CDCP1: variants seen among roughly 807,000 people sequenced by gnomAD.
The protein encoded by CDCP1 is CUB domain-containing protein 1.
Under a neutral mutation model 60.2 loss-of-function variants are expected in CDCP1, and 29 were observed. That is an observed-to-expected ratio of 0.48 (90% CI 0.36 to 0.66). The LOEUF is 0.66. Ranked by LOEUF, CDCP1 falls within the 30% of genes least tolerant of loss-of-function variation. The pLI, the probability that CDCP1 is intolerant of heterozygous loss-of-function variation, is 0.00. For synonymous variants in CDCP1, 387 were observed against 431.1 expected, an observed-to-expected ratio of 0.90 and a Z score of 1.27; for missense variants, 876 against 1,074.3, an observed-to-expected ratio of 0.82 and a Z score of 2.58.
chr3:45,092,933 T>A (rs1698321313), intron 6 of CDCP1, among the ~76,000 whole-genome samples: 1 of 152,198 alleles, frequency 6.6e-6, no homozygotes, highest in Non-Finnish European at 1.5e-5. Flanking sequence ...GATTTTTATG[T>A]CACTACCTTA....
rs576785838 is a variant in CDCP1 at position 45,131,888 on chromosome 3, C to T, written c.83-13267G>A. Among the ~76,000 whole-genome samples, 5 of 152,270 alleles carry T rather than the reference C, an allele frequency of 3.3e-5. No individual in the cohort carries two copies. In the East Asian group the frequency reaches 7.7e-4, roughly 23 times the overall value. On this transcript the variant is annotated intron_variant, in intron 1 of 8. Coordinates refer to ENST00000296129, the MANE Select transcript of CDCP1 (RefSeq NM_022842.5). ...ACGCACTGAATAAGGGACACTGCTGCGGGCAGGCCTGTGAGAAATGTTCTG... is the reference window on the plus strand; with the variant it reads ...ACGCACTGAATAAGGGACACTGCTGTGGGCAGGCCTGTGAGAAATGTTCTG...
chr3:45,090,317 C>T (rs868505365), intron 7 of CDCP1, among the ~76,000 whole-genome samples: 28 of 152,218 alleles, frequency 1.8e-4, no homozygotes, highest in African/African-American at 6.8e-4. Context: ...CCTGCCCTGC[C>T]ACACCTGCAT....
chr3:45,103,040 C>T (rs1014148182), intron 4 of CDCP1, among the ~76,000 whole-genome samples: 2 of 151,748 alleles, frequency 1.3e-5, no homozygotes, highest in African/African-American at 2.4e-5. Context: ...TGAGTCTGTA[C>T]AATTTTGTTA....
At chr3:45,108,313 C>G (rs1698606643) in intron 4 of CDCP1, among the ~76,000 whole-genome samples, 2 of 152,108 alleles carry the variant, frequency 1.3e-5, no homozygotes, top group Admixed American at 6.5e-5. Flanking sequence ...TTTCTGCCGC[C>G]AAGTCCACTC....
At chr3:45,141,839 CT>C (rs34668535) in intron 1 of CDCP1, among the ~76,000 whole-genome samples, 20,257 of 148,586 alleles carry the variant, frequency 0.14, 1,463 homozygotes, top group African/African-American at 0.16. Context: ...ATAAACTTTT[CT>C]TTTTTTTTTG....
intron 1 of CDCP1, among the ~76,000 whole-genome samples, chr3:45,125,277 G>A (rs894451396): frequency 2.0e-5 from 3 of 152,184 alleles, no homozygotes; most frequent in African/African-American, 7.2e-5. Flanking sequence ...GTGGGAAAGG[G>A]CTTGGTTGTT....
Position 45,108,773 on chromosome 3 carries a change from ATG to A in CDCP1, c.1024+1698_1024+1699del, listed in dbSNP as rs1275114330. On this transcript the variant is annotated intron_variant, in intron 4 of 8. Transcript: ENST00000296129. ...TATATGCATGTATATATATATATGCATGTATACATATATATGCATGTATATAT... is the reference window on the plus strand; with the variant it reads ...TATATGCATGTATATATATATATGCATATACATATATATGCATGTATATAT... Among the ~76,000 whole-genome samples the A allele has an allele frequency of 1.6e-4, 12 of 73,018 alleles. 1 individual carries two copies. The highest frequency in any genetic ancestry group is 1.3e-3 in the South Asian group (2 of 1,544). 47.9% of individuals were successfully genotyped at this position (73,018 alleles called of 152,430 possible).
chr3:45,120,006 G>T (rs1311085211), intron 1 of CDCP1, among the ~76,000 whole-genome samples: 2 of 152,206 alleles, frequency 1.3e-5, no homozygotes, highest in Non-Finnish European at 2.9e-5. Context: ...CTGCTGCATG[G>T]GTCAGTAGTT....
chr3:45,146,352 A>G lies in CDCP1; in HGVS notation c.-65T>C, dbSNP rs1434443612. The G allele has an allele frequency of 1.4e-6, 2 of 1,413,130 alleles. No individual in the cohort carries two copies. The highest frequency in any genetic ancestry group is 3.0e-5 in the East Asian group (1 of 33,642). 87.5% of individuals were successfully genotyped at this position (1,413,130 alleles called of 1,614,324 possible). ...TGGGGAGCGGCGGCCCCAGGCGCCCAAGCCCGGCGCAGCTGCGCTCCGCCC... is the reference window on the plus strand; with the variant it reads ...TGGGGAGCGGCGGCCCCAGGCGCCCGAGCCCGGCGCAGCTGCGCTCCGCCC... On this transcript the variant is annotated 5_prime_UTR_variant, in exon 1 of 9. Transcript: ENST00000296129.
chr3:45,112,289 C>T lies in CDCP1; in HGVS notation c.449G>A (p.Gly150Asp), dbSNP rs200013148. 14 of 1,614,226 alleles carry T rather than the reference C, an allele frequency of 8.7e-6. No homozygotes were observed. In the Admixed American group the frequency reaches 2.2e-4, roughly 25 times the overall value. The change falls in exon 3 of 9, where the codon GGT becomes GAT. Residue 150 changes from glycine to aspartate, a missense_variant. Gly to Asp is a moderately conservative substitution (Grantham distance 94, BLOSUM62 -1). Transcript: ENST00000296129. ...QFSIPRLRQI[G>D]PGESCPDGVT... is the part of the protein sequence containing the mutation. ...TCCGTCTGGGCAGCTCTCACCCGGA[C>T]CGATCTGCCTCAGGCGAGGGATGGA...
At chr3:45,138,871 G>A (rs1444857262) in intron 1 of CDCP1, among the ~76,000 whole-genome samples, 2 of 152,054 alleles carry the variant, frequency 1.3e-5, no homozygotes, top group Non-Finnish European at 2.9e-5. Context: ...AGAAAGAAAA[G>A]AAAAAGAAAG....
chr3:45,124,461 C>G (rs927566194), intron 1 of CDCP1, among the ~76,000 whole-genome samples: 7 of 152,072 alleles, frequency 4.6e-5, no homozygotes, highest in Non-Finnish European at 7.4e-5. Flanking sequence ...AGCCTAGGCA[C>G]CAGGAGATAC....
chr3:45,140,524 C>T (rs1459119637), intron 1 of CDCP1, among the ~76,000 whole-genome samples: 1 of 152,186 alleles, frequency 6.6e-6, no homozygotes, highest in Admixed American at 6.5e-5. Context: ...CCTTGCAGTC[C>T]TATGACCGAG....
chr3:45,118,377 A>G, intron 2 of CDCP1, 35 bp downstream of exon 2: 2 of 1,486,498 alleles, frequency 1.3e-6, no homozygotes, highest in South Asian at 2.3e-5. Context: ...GACATTTAAA[A>G]GACATTGTCA....
At chr3:45,095,589 C>T (rs1234919228) in intron 4 of CDCP1, 21 bp from the exon 5 acceptor site, 10 of 1,609,512 alleles carry the variant, frequency 6.2e-6, no homozygotes, top group Non-Finnish European at 8.5e-6. Context: ...AAACAGAAAA[C>T]AGGCATGAAG....
chr3:45,110,316 CT>C, intron 4 of CDCP1, 156 bp downstream of exon 4: 1 of 1,444,982 alleles, frequency 6.9e-7, no homozygotes, highest in Non-Finnish European at 9.1e-7. Context: ...GTCTAACTGC[CT>C]AGCAACCCAC....
chr3:45,138,570 C>A (rs987818240), intron 1 of CDCP1, among the ~76,000 whole-genome samples: 1 of 152,212 alleles, frequency 6.6e-6, no homozygotes. Context: ...TGGCTGGTTG[C>A]GGTGGCTCAT....
Position 45,137,019 on chromosome 3 carries a change from T to C in CDCP1, c.82+9187A>G, listed in dbSNP as rs372705182. On this transcript the variant is annotated intron_variant, in intron 1 of 8. Coordinates refer to ENST00000296129, the MANE Select transcript of CDCP1 (RefSeq NM_022842.5). ...TATGTACATTATATCTCAGTAGAGC[T>C]GAAAAATATTTTTACATTTAGATAA... Among the ~76,000 whole-genome samples the C allele has an allele frequency of 5.3e-5, 8 of 152,282 alleles. No homozygotes were observed. In the East Asian group the frequency reaches 9.6e-4, roughly 18 times the overall value.
chr3:45,145,708 A>C lies in CDCP1; in HGVS notation c.82+498T>G, dbSNP rs185438648. On this transcript the variant is annotated intron_variant, in intron 1 of 8. Transcript: ENST00000296129. ...AAAGGGGATCTAGTGGGAAATGCGG[A>C]CGTGAAAGCACTTTTTTTGCACCTT... Among the ~76,000 whole-genome samples, 442 of 152,274 alleles carry C rather than the reference A, an allele frequency of 2.9e-3. 2 individuals are homozygous for C. Among genetic ancestry groups the C allele is most frequent in the Non-Finnish European group, 4.5e-3 (303 of 68,006 alleles).
Sources: gnomAD v4.1 joint callset for allele counts (sites outside exome capture counted in the v4.1 genomes callset) on GRCh38, gnomAD v4.1.1 for gene constraint, MANE v1.5 for transcripts, NCBI Gene and HGNC (gene_info 2026-07-23, HGNC 2026-07-21) for gene names.